GRM8: variants seen among roughly 807,000 people sequenced by gnomAD.
GRM8 encodes the protein glutamate metabotropic receptor 8, also known as metabotropic glutamate receptor 8.
In GRM8, 47 loss-of-function variants were observed where a neutral mutation model predicts 87.2. The ratio of observed to expected loss-of-function variants is 0.54; its 90% CI spans 0.43 to 0.69. The LOEUF is 0.69. GRM8 is among the 30% of genes least tolerant of loss of function. The pLI is 0.00. For missense variants in GRM8, 1,019 were observed against 1,139.2 expected (o/e 0.89, Z 1.52); for synonymous variants, 396 against 404.5 (o/e 0.98, Z 0.25).
intron 3 of GRM8, among the ~76,000 whole-genome samples, chr7:127,051,322 T>C (rs529122922): frequency 8.4e-6 from 1 of 118,394 alleles, no homozygotes; most frequent in East Asian, 2.1e-4. Flanking sequence ...CAGCAGTGTT[T>C]CCCAACCTTT....
intron 6 of GRM8, among the ~76,000 whole-genome samples, chr7:126,813,527 G>A (rs1793496438): frequency 6.6e-6 from 1 of 152,002 alleles, no homozygotes; most frequent in South Asian, 2.1e-4. Flanking sequence ...ACTCATCATG[G>A]TACAGACAAA....
chr7:126,537,346 T>C (rs986950532), intron 8 of GRM8, among the ~76,000 whole-genome samples: 13 of 152,336 alleles, frequency 8.5e-5, no homozygotes, highest in Middle Eastern at 3.4e-3. Context: ...ATTGATTTCA[T>C]AGCTAAAGTC....
At chr7:126,868,191 C>T (rs1012822707) in intron 6 of GRM8, among the ~76,000 whole-genome samples, 1 of 152,204 alleles carries the variant, frequency 6.6e-6, no homozygotes, top group African/African-American at 2.4e-5. Flanking sequence ...GCTGGGCCCC[C>T]ACCATGCCCA....
At chr7:127,095,392 G>T (rs954570053) in intron 3 of GRM8, among the ~76,000 whole-genome samples, 39 of 152,158 alleles carry the variant, frequency 2.6e-4, no homozygotes, top group African/African-American at 7.2e-4. Flanking sequence ...TGCTGGGTAG[G>T]GGTGATCATG....
chr7:127,029,406 T>C (rs940629886), intron 3 of GRM8, among the ~76,000 whole-genome samples: 23 of 152,200 alleles, frequency 1.5e-4, no homozygotes, highest in African/African-American at 4.8e-5. Context: ...TTCTGTCTCA[T>C]TGATCTGTCT....
At chr7:126,616,586 G>C (rs2151124185) in intron 7 of GRM8, among the ~76,000 whole-genome samples, 1 of 152,262 alleles carries the variant, frequency 6.6e-6, no homozygotes, top group Admixed American at 6.5e-5. Flanking sequence ...ATGAATCCAG[G>C]AGCTGGTTTT....
intron 7 of GRM8, among the ~76,000 whole-genome samples, chr7:126,700,109 T>C (rs1007442917): frequency 9.9e-5 from 15 of 152,172 alleles, no homozygotes; most frequent in African/African-American, 3.6e-4. Context: ...GATTCAACTT[T>C]ACAGAATGAA....
chr7:126,439,746 C>T (rs1314084055), intron 10 of GRM8, among the ~76,000 whole-genome samples: 1 of 151,534 alleles, frequency 6.6e-6, no homozygotes, highest in Non-Finnish European at 1.5e-5. Flanking sequence ...TGTGTTATTG[C>T]CCCTTAAGAC....
intron 3 of GRM8, among the ~76,000 whole-genome samples, chr7:126,972,710 T>G (rs1586637817): frequency 6.6e-6 from 1 of 152,166 alleles, no homozygotes; most frequent in African/African-American, 2.4e-5. Flanking sequence ...AGAAAAGAAA[T>G]AATAGGATTA....
intron 6 of GRM8, among the ~76,000 whole-genome samples, chr7:126,855,449 A>G (rs907332196): frequency 3.3e-5 from 5 of 151,372 alleles, no homozygotes; most frequent in African/African-American, 1.2e-4. Flanking sequence ...CAGAATTTGT[A>G]AAGGGCAGCC....
intron 6 of GRM8, among the ~76,000 whole-genome samples, chr7:126,786,180 A>T (rs1472076711): frequency 6.6e-6 from 1 of 152,204 alleles, no homozygotes; most frequent in Non-Finnish European, 1.5e-5. Context: ...AATCAAATAA[A>T]AACTACAATT....
At chr7:126,977,861 C>T (rs1306280278) in intron 3 of GRM8, among the ~76,000 whole-genome samples, 2 of 152,020 alleles carry the variant, frequency 1.3e-5, no homozygotes, top group Non-Finnish European at 2.9e-5. Flanking sequence ...GGGTTGGAAG[C>T]TGACAGGTTG....
intron 7 of GRM8, among the ~76,000 whole-genome samples, chr7:126,767,401 A>G (rs1247469395): frequency 6.6e-6 from 1 of 152,160 alleles, no homozygotes; most frequent in East Asian, 1.9e-4. Context: ...AATTTTGTAA[A>G]ATAACATTGC....
At chr7:126,966,815 G>T (rs947614020) in intron 3 of GRM8, among the ~76,000 whole-genome samples, 5 of 152,258 alleles carry the variant, frequency 3.3e-5, no homozygotes, top group Admixed American at 6.5e-5. Flanking sequence ...ATTAAAAACA[G>T]AATTGTATTT....
intron 7 of GRM8, among the ~76,000 whole-genome samples, chr7:126,668,269 C>T (rs1166703106): frequency 6.6e-6 from 1 of 152,150 alleles, no homozygotes; most frequent in African/African-American, 2.4e-5. Flanking sequence ...ATTTTCATAG[C>T]CGTAGGACGG....
At chr7:127,122,586 C>A (rs1195669940) in intron 2 of GRM8, among the ~76,000 whole-genome samples, 4 of 73,000 alleles carry the variant, frequency 5.5e-5, no homozygotes, top group South Asian at 7.3e-4. Context: ...TTTTGGATGC[C>A]CTTTAATTTT....
chr7:127,016,071 A>G (rs1815639544), intron 3 of GRM8, among the ~76,000 whole-genome samples: 1 of 152,124 alleles, frequency 6.6e-6, no homozygotes, highest in African/African-American at 2.4e-5. Context: ...TCAAGCCTCT[A>G]GTTTCTCTTC....
chr7:126,602,793 T>A (rs1797946628), intron 8 of GRM8, among the ~76,000 whole-genome samples: 1 of 150,230 alleles, frequency 6.7e-6, no homozygotes, highest in South Asian at 2.2e-4. Flanking sequence ...CACAGCTGAA[T>A]TCTACCAGAG....
intron 6 of GRM8, among the ~76,000 whole-genome samples, chr7:126,847,966 A>G (rs1002781424): frequency 6.6e-6 from 1 of 152,206 alleles, no homozygotes; most frequent in African/African-American, 2.4e-5. Flanking sequence ...CTCCTGAAGC[A>G]AAGCATAAAA....
Sources: gnomAD v4.1 joint callset for allele counts (sites outside exome capture counted in the v4.1 genomes callset) on GRCh38, gnomAD v4.1.1 for gene constraint, MANE v1.5 for transcripts, NCBI Gene and HGNC (gene_info 2026-07-23, HGNC 2026-07-21) for gene names.